The following ZBTB20 variants were observed in gnomAD, a reference collection of about 807,000 sequenced individuals.
The protein encoded by ZBTB20 is zinc finger and BTB domain-containing protein 20.
A neutral mutation model predicts 56.9 loss-of-function variants in ZBTB20; 9 were observed. The observed-to-expected ratio is 0.16, with a 90% CI of 0.10 to 0.28. The LOEUF (loss-of-function observed/expected upper bound fraction) is 0.28, where lower values mean the gene tolerates loss of function less well. Ranked by LOEUF, ZBTB20 falls within the 10% of genes least tolerant of loss-of-function variation. The pLI is 1.00. For synonymous variants in ZBTB20, 417 were observed against 420.7 expected, an observed-to-expected ratio of 0.99 and a Z score of 0.11; for missense variants, 655 against 1,003.0, an observed-to-expected ratio of 0.65 and a Z score of 4.69.
At chr3:114,818,453 G>A (rs1399878367) in intron 4 of ZBTB20, among the ~76,000 whole-genome samples, 1 of 151,986 alleles carries the variant, frequency 6.6e-6, no homozygotes, top group African/African-American at 2.4e-5. Context: ...TAAAGGGAAA[G>A]GGCTATGCAT....
At chr3:114,755,843 G>A (rs1254356527) in intron 5 of ZBTB20, among the ~76,000 whole-genome samples, 1 of 152,032 alleles carries the variant, frequency 6.6e-6, no homozygotes, top group African/African-American at 2.4e-5. Flanking sequence ...AAAACTAAGA[G>A]CTGTTTTCAA....
intron 4 of ZBTB20, among the ~76,000 whole-genome samples, chr3:114,835,396 T>C (rs1252988311): frequency 6.6e-6 from 1 of 152,184 alleles, no homozygotes; most frequent in Non-Finnish European, 1.5e-5. Flanking sequence ...TTTTTTAATA[T>C]TCCTTTTAAA....
chr3:114,674,422 G>A (rs1209440850), intron 6 of ZBTB20, among the ~76,000 whole-genome samples: 1 of 152,124 alleles, frequency 6.6e-6, no homozygotes, highest in Non-Finnish European at 1.5e-5. Context: ...AAGAGGTACT[G>A]TACTTACATG....
At chr3:115,106,753 C>T (rs1247887414) in intron 1 of ZBTB20, among the ~76,000 whole-genome samples, 5 of 151,986 alleles carry the variant, frequency 3.3e-5, no homozygotes, top group African/African-American at 7.2e-5. Context: ...ATTTTATATG[C>T]CTCTCTCCCT....
intron 5 of ZBTB20, among the ~76,000 whole-genome samples, chr3:114,746,530 C>T (rs1204326331): frequency 6.6e-6 from 1 of 152,114 alleles, no homozygotes; most frequent in Non-Finnish European, 1.5e-5. Flanking sequence ...TAGGTTTCAT[C>T]TGTGTCAGAG....
At chr3:114,975,280 G>A (rs576212423) in intron 2 of ZBTB20, among the ~76,000 whole-genome samples, 1 of 152,248 alleles carries the variant, frequency 6.6e-6, no homozygotes, top group Non-Finnish European at 1.5e-5. Flanking sequence ...AATTTGCTAT[G>A]AAATCTCAAT....
chr3:114,976,058 A>G (rs2108059486), intron 2 of ZBTB20, among the ~76,000 whole-genome samples: 1 of 152,338 alleles, frequency 6.6e-6, no homozygotes, highest in Non-Finnish European at 1.5e-5. Flanking sequence ...CACCAAATTA[A>G]ATTGTCATTC....
At chr3:114,549,062 T>C (rs571901039) in intron 6 of ZBTB20, among the ~76,000 whole-genome samples, 77 of 152,354 alleles carry the variant, frequency 5.1e-4, no homozygotes, top group African/African-American at 1.9e-3. Flanking sequence ...CTTTGGCTAC[T>C]GAGAAAATGT....
At chr3:114,726,718 C>T (rs1033615413) in intron 5 of ZBTB20, among the ~76,000 whole-genome samples, 1 of 151,426 alleles carries the variant, frequency 6.6e-6, no homozygotes, top group Non-Finnish European at 1.5e-5. Flanking sequence ...CATGATCATC[C>T]TGGCTAACAT....
intron 5 of ZBTB20, among the ~76,000 whole-genome samples, chr3:114,783,516 C>T (rs1417485578): frequency 6.6e-6 from 1 of 152,052 alleles, no homozygotes; most frequent in Non-Finnish European, 1.5e-5. Flanking sequence ...CATCTTTTGG[C>T]CAGGCACGGT....
At chr3:114,455,715 T>C (rs1420368330) in intron 7 of ZBTB20, among the ~76,000 whole-genome samples, 1 of 152,078 alleles carries the variant, frequency 6.6e-6, no homozygotes, top group Non-Finnish European at 1.5e-5. Context: ...CGATCTCATC[T>C]AAAAAGGCAA....
At chr3:114,736,429 T>C (rs2066163116) in intron 5 of ZBTB20, among the ~76,000 whole-genome samples, 1 of 152,222 alleles carries the variant, frequency 6.6e-6, no homozygotes, top group Non-Finnish European at 1.5e-5. Flanking sequence ...AATGATGTTC[T>C]ATTGAGGTTT....
chr3:114,803,946 T>C (rs1239087385), intron 4 of ZBTB20, among the ~76,000 whole-genome samples: 1 of 151,940 alleles, frequency 6.6e-6, no homozygotes, highest in Non-Finnish European at 1.5e-5. Context: ...ATTATTAAAA[T>C]TGACCACCAG....
chr3:114,358,773 G>A (rs1054628608), intron 10 of ZBTB20, among the ~76,000 whole-genome samples: 1 of 152,128 alleles, frequency 6.6e-6, no homozygotes, highest in African/African-American at 2.4e-5. Context: ...AGGATACAAA[G>A]GATCTTAAAT....
At chr3:114,616,827 T>C (rs969646804) in intron 6 of ZBTB20, among the ~76,000 whole-genome samples, 1 of 152,160 alleles carries the variant, frequency 6.6e-6, no homozygotes, top group Non-Finnish European at 1.5e-5. Flanking sequence ...CAAAATCTAC[T>C]CTTCCTCCTC....
rs1484611510 is a variant in ZBTB20 at position 114,380,238 on chromosome 3, C to T, written c.178G>A (p.Ala60Thr). 9.1e-6 allele frequency: 14 copies of T among 1,536,552 alleles called. No individual in the cohort carries two copies. The highest frequency in any genetic ancestry group is 2.4e-5 in the East Asian group (1 of 40,898). ...TCACAATCAGATGACCCGGTGTGAGCGTGAGAGTTTGTCAGTGAATGTGTT... is the reference window on the plus strand; with the variant it reads ...TCACAATCAGATGACCCGGTGTGAGTGTGAGAGTTTGTCAGTGAATGTGTT... ...HSTHSLTNSHAHTGSSDCDIS... is the reference protein window; with the variant it reads ...HSTHSLTNSHTHTGSSDCDIS... Residue 60 changes from alanine to threonine, a missense_variant, in exon 10 of 12, where the codon GCT becomes ACT. Coordinates refer to ENST00000675478, the MANE Select transcript of ZBTB20 (RefSeq NM_001348800.3).
chr3:114,363,185 C>A (rs2082062574), intron 10 of ZBTB20, among the ~76,000 whole-genome samples: 1 of 152,140 alleles, frequency 6.6e-6, no homozygotes, highest in Non-Finnish European at 1.5e-5. Context: ...GTAACTTATT[C>A]AGGGTCCAGA....
chr3:114,534,311 A>G (rs1559923373), intron 6 of ZBTB20, among the ~76,000 whole-genome samples: 1 of 152,148 alleles, frequency 6.6e-6, no homozygotes, highest in Non-Finnish European at 1.5e-5. Flanking sequence ...GCAAATGGAA[A>G]GCAAAAAAAA....
chr3:114,881,201 T>C (rs570259566), intron 4 of ZBTB20, among the ~76,000 whole-genome samples: 1 of 152,218 alleles, frequency 6.6e-6, no homozygotes, highest in Non-Finnish European at 1.5e-5. Context: ...GAATGGATCT[T>C]TCACTTATTT....
Sources: gnomAD v4.1 joint callset for allele counts (sites outside exome capture counted in the v4.1 genomes callset) on GRCh38, gnomAD v4.1.1 for gene constraint, MANE v1.5 for transcripts, NCBI Gene and HGNC (gene_info 2026-07-23, HGNC 2026-07-21) for gene names.